Variants in PRR16 observed in about 807,000 individuals in gnomAD.
The protein encoded by PRR16 is protein Largen.
In PRR16, 6 loss-of-function variants were observed where a neutral mutation model predicts 18.2. The ratio of observed to expected loss-of-function variants is 0.33; its 90% CI spans 0.18 to 0.65. The LOEUF (loss-of-function observed/expected upper bound fraction) is 0.65, where lower values mean the gene tolerates loss of function less well. Ranked by LOEUF, PRR16 falls within the 30% of genes least tolerant of loss-of-function variation. The pLI, the probability that PRR16 is intolerant of heterozygous loss-of-function variation, is 0.74. For synonymous variants in PRR16, 151 were observed against 147.8 expected (o/e 1.02, Z -0.16); for missense variants, 412 against 376.6 (o/e 1.09, Z -0.78).
At chr5:120,702,650 C>A in the PRR16 span, among the ~76,000 whole-genome samples, 1 of 152,110 alleles carries the variant, frequency 6.6e-6, no homozygotes, top group Non-Finnish European at 1.5e-5. Context: ...CCGTGACCGG[C>A]GCCGGAGTTT....
At chr5:120,782,987 A>G in the PRR16 span, among the ~76,000 whole-genome samples, 1 of 152,130 alleles carries the variant, frequency 6.6e-6, no homozygotes, top group African/African-American at 2.4e-5. Flanking sequence ...AATATCCTCA[A>G]TATAAGAAGA....
intron 1 of PRR16, among the ~76,000 whole-genome samples, chr5:120,664,778 A>AC (rs746835755): frequency 7.3e-6 from 1 of 137,534 alleles, no homozygotes; most frequent in South Asian, 2.5e-4. Context: ...CCCTACAAAG[A>AC]CATGAACTCA....
the PRR16 span, among the ~76,000 whole-genome samples, chr5:120,762,337 T>TA: frequency 6.6e-6 from 1 of 152,148 alleles, no homozygotes; most frequent in South Asian, 2.1e-4. Context: ...CTAACAGTAG[T>TA]ATGTAAGAGT....
the PRR16 span, among the ~76,000 whole-genome samples, chr5:120,792,194 C>G: frequency 6.6e-6 from 1 of 152,140 alleles, no homozygotes; most frequent in Admixed American, 6.5e-5. Context: ...TGATAAGCAG[C>G]ACTTTACCAG....
chr5:120,675,407 A>G (rs1461892687), intron 1 of PRR16, among the ~76,000 whole-genome samples: 1 of 151,558 alleles, frequency 6.6e-6, no homozygotes, highest in Non-Finnish European at 1.5e-5. Context: ...CATTAGACAC[A>G]ATGTGTTCTT....
chr5:120,759,858 T>C, the PRR16 span, among the ~76,000 whole-genome samples: 1 of 152,188 alleles, frequency 6.6e-6, no homozygotes, highest in Admixed American at 6.5e-5. Flanking sequence ...ATACACTTGT[T>C]GTTAAAGTTG....
rs200788129 is a variant in PRR16, at chr5:120,516,514, C to CACACAT, written c.159+51869_159+51870insACACAT. Among the ~76,000 whole-genome samples, 278 of 150,534 alleles carry CACACAT rather than the reference C, an allele frequency of 1.8e-3. 2 individuals are homozygous for CACACAT. The highest frequency in any genetic ancestry group is 6.6e-3 in the African/African-American group (268 of 40,898). ...ACACACACACACACACACACACACA[C>CACACAT]GCATATACATTAACAATTAGAAGGC... On this transcript the variant is annotated intron_variant, in intron 1 of 1. Coordinates refer to ENST00000407149, the MANE Select transcript of PRR16 (RefSeq NM_001300783.2).
the PRR16 span, among the ~76,000 whole-genome samples, chr5:120,739,205 A>G: frequency 2.6e-5 from 4 of 152,180 alleles, no homozygotes; most frequent in African/African-American, 7.2e-5. Flanking sequence ...AACAAGAACA[A>G]TCCTTTAATA....
chr5:120,587,111 C>T (rs1430658353), intron 1 of PRR16, among the ~76,000 whole-genome samples: 1 of 152,150 alleles, frequency 6.6e-6, no homozygotes, highest in Admixed American at 6.5e-5. Flanking sequence ...TAAGTTTCTT[C>T]AATTCTGTGA....
chr5:120,679,593 G>C (rs1425147020), intron 1 of PRR16, among the ~76,000 whole-genome samples: 1 of 152,030 alleles, frequency 6.6e-6, no homozygotes, highest in East Asian at 1.9e-4. Flanking sequence ...TTTCCACATA[G>C]CATCTGAAAG....
At chr5:120,527,749 T>C (rs571252511) in intron 1 of PRR16, among the ~76,000 whole-genome samples, 2 of 152,304 alleles carry the variant, frequency 1.3e-5, no homozygotes, top group Admixed American at 1.3e-4. Flanking sequence ...GGTTGACAAA[T>C]GCCTTCCTAT....
chr5:120,539,536 A>C (rs1751838186), intron 1 of PRR16, among the ~76,000 whole-genome samples: 1 of 152,088 alleles, frequency 6.6e-6, no homozygotes, highest in Non-Finnish European at 1.5e-5. Context: ...GAAGAGGGTG[A>C]ATAATGGAAA....
At chr5:120,596,472 T>A (rs966231967) in intron 1 of PRR16, among the ~76,000 whole-genome samples, 8 of 151,866 alleles carry the variant, frequency 5.3e-5, no homozygotes, top group Non-Finnish European at 8.8e-5. Flanking sequence ...TACTTTCGTT[T>A]TTCTTCTTTG....
intron 1 of PRR16, among the ~76,000 whole-genome samples, chr5:120,539,248 T>C (rs1485348690): frequency 1.3e-5 from 2 of 151,376 alleles, no homozygotes; most frequent in Non-Finnish European, 2.9e-5. Context: ...TCTAATAATA[T>C]TAGAAAATAA....
chr5:120,490,383 T>C (rs1204026962), intron 1 of PRR16, among the ~76,000 whole-genome samples: 4 of 152,170 alleles, frequency 2.6e-5, no homozygotes, highest in African/African-American at 7.2e-5. Context: ...AGTTCTCTTC[T>C]CGCTTCATTT....
chr5:120,642,540 C>A (rs1234140956), intron 1 of PRR16, among the ~76,000 whole-genome samples: 1 of 152,052 alleles, frequency 6.6e-6, no homozygotes, highest in African/African-American at 2.4e-5. Context: ...TGTCTTGTTG[C>A]TTGGTATGTA....
At chr5:120,480,301 A>T (rs563454860) in intron 1 of PRR16, among the ~76,000 whole-genome samples, 1 of 152,184 alleles carries the variant, frequency 6.6e-6, no homozygotes, top group East Asian at 1.9e-4. Context: ...TCCTGAAGTT[A>T]CTAATACTCA....
the PRR16 span, among the ~76,000 whole-genome samples, chr5:120,727,361 A>C: frequency 6.6e-6 from 1 of 151,968 alleles, no homozygotes; most frequent in Non-Finnish European, 1.5e-5. Flanking sequence ...TGCTCTTCCA[A>C]GTTTCTAATC....
intron 1 of PRR16, among the ~76,000 whole-genome samples, chr5:120,474,589 C>CTTT (rs151199683): frequency 0.15 from 21,813 of 150,142 alleles, 1,651 homozygotes; most frequent in African/African-American, 0.19. Flanking sequence ...TATTTGCTAT[C>CTTT]TTTTTTTTAA....
Sources: allele counts gnomAD v4.1 joint callset (sites outside exome capture counted in the v4.1 genomes callset), GRCh38; gene constraint gnomAD v4.1.1; transcripts MANE v1.5; gene names NCBI Gene and HGNC (gene_info 2026-07-23, HGNC 2026-07-21).